The following SORCS1 variants were observed in gnomAD, a reference collection of about 807,000 sequenced individuals.
The protein encoded by SORCS1 is sortilin related VPS10 domain containing receptor 1, also known as VPS10 domain-containing receptor SorCS1.
Under a neutral mutation model 146.1 loss-of-function variants are expected in SORCS1, and 60 were observed. The observed-to-expected ratio is 0.41, with a 90% CI of 0.33 to 0.51. SORCS1 has a LOEUF of 0.51. Ranked by LOEUF, SORCS1 falls within the 20% of genes least tolerant of loss-of-function variation. The probability of loss-of-function intolerance (pLI) is 0.21; values close to 1 mark genes in which losing one functional copy is unlikely to be tolerated. For missense variants in SORCS1, 1,352 were observed against 1,487.6 expected, an observed-to-expected ratio of 0.91 and a Z score of 1.50; for synonymous variants, 637 against 584.0, an observed-to-expected ratio of 1.09 and a Z score of -1.31.
the SORCS1 span, among the ~76,000 whole-genome samples, chr10:107,176,665 T>A: frequency 6.6e-6 from 1 of 152,150 alleles, no homozygotes; most frequent in Admixed American, 6.6e-5. Context: ...TGTTTTTAAA[T>A]TTTTGTAGTT....
intron 5 of SORCS1, among the ~76,000 whole-genome samples, chr10:106,741,959 G>A (rs952125468): frequency 1.9e-4 from 29 of 152,132 alleles, no homozygotes; most frequent in Admixed American, 3.9e-4. Flanking sequence ...TCCATACTTC[G>A]TCAGATTATT....
At chr10:107,032,007 T>A (rs917694769) in intron 1 of SORCS1, among the ~76,000 whole-genome samples, 22 of 152,204 alleles carry the variant, frequency 1.4e-4, no homozygotes, top group African/African-American at 5.1e-4. Context: ...CAGTCCGGCA[T>A]ACCAGTGGAG....
intron 6 of SORCS1, among the ~76,000 whole-genome samples, chr10:106,720,211 C>A (rs1416066023): frequency 6.6e-6 from 1 of 152,198 alleles, no homozygotes; most frequent in Non-Finnish European, 1.5e-5. Flanking sequence ...AATTCCTAAT[C>A]ATCCCTCATT....
intron 1 of SORCS1, among the ~76,000 whole-genome samples, chr10:107,117,014 A>G (rs1966084965): frequency 6.6e-6 from 1 of 152,218 alleles, no homozygotes. Flanking sequence ...TGTCAGAATT[A>G]AAATCCAATT....
chr10:107,172,349 T>C, the SORCS1 span, among the ~76,000 whole-genome samples: 2 of 152,234 alleles, frequency 1.3e-5, no homozygotes, highest in African/African-American at 4.8e-5. Flanking sequence ...CACTAGATCT[T>C]GGCATGATAT....
chr10:106,904,408 A>G (rs964582651), intron 2 of SORCS1, among the ~76,000 whole-genome samples: 8 of 152,220 alleles, frequency 5.3e-5, no homozygotes, highest in African/African-American at 1.7e-4. Flanking sequence ...CAGCCCCAAA[A>G]GGGGAAAAAC....
chr10:106,884,872 G>T (rs1950936510), intron 2 of SORCS1, among the ~76,000 whole-genome samples: 1 of 152,132 alleles, frequency 6.6e-6, no homozygotes, highest in East Asian at 1.9e-4. Flanking sequence ...ACTGGATTTT[G>T]AGTAAAATCA....
At chr10:106,856,412 T>TTC (rs1269521318) in intron 2 of SORCS1, among the ~76,000 whole-genome samples, 3 of 152,208 alleles carry the variant, frequency 2.0e-5, no homozygotes, top group Admixed American at 6.5e-5. Flanking sequence ...TTACCAGTGC[T>TTC]TCTCACATTT....
intron 2 of SORCS1, among the ~76,000 whole-genome samples, chr10:106,865,243 C>G (rs1292759026): frequency 6.6e-6 from 1 of 152,130 alleles, no homozygotes; most frequent in African/African-American, 2.4e-5. Context: ...CAGCTACCTC[C>G]TACAGGTGCA....
intron 9 of SORCS1, among the ~76,000 whole-genome samples, chr10:106,698,563 T>A (rs1253721348): frequency 6.6e-6 from 1 of 152,248 alleles, no homozygotes. Flanking sequence ...GTATTTATCA[T>A]GAAAGCCAAC....
At chr10:106,934,100 C>CAAAAAAAAAAAAAA (rs57432764) in intron 2 of SORCS1, among the ~76,000 whole-genome samples, 1 of 97,516 alleles carries the variant, frequency 1.0e-5, no homozygotes. Context: ...TCTCAAAAAA[C>CAAAAAAAAAAAAAA]AAAAAAAAAA....
At chr10:106,770,574 C>G (rs1338721709) in intron 4 of SORCS1, among the ~76,000 whole-genome samples, 2 of 151,820 alleles carry the variant, frequency 1.3e-5, no homozygotes, top group Non-Finnish European at 2.9e-5. Flanking sequence ...GAAGAAAGGA[C>G]AACCACAGGG....
At chr10:106,750,745 A>G (rs1207146204) in intron 5 of SORCS1, among the ~76,000 whole-genome samples, 1 of 126,838 alleles carries the variant, frequency 7.9e-6, no homozygotes, top group African/African-American at 3.1e-5. Context: ...AAAAAAAAAA[A>G]AAAAAAAAAA....
intron 10 of SORCS1, among the ~76,000 whole-genome samples, chr10:106,683,782 C>T (rs1375200535): frequency 6.6e-6 from 1 of 152,174 alleles, no homozygotes; most frequent in Non-Finnish European, 1.5e-5. Context: ...ACTCTCCCTC[C>T]CGAAATACAT....
At chr10:107,097,406 G>C (rs1441168016) in intron 1 of SORCS1, among the ~76,000 whole-genome samples, 2 of 152,092 alleles carry the variant, frequency 1.3e-5, no homozygotes, top group African/African-American at 4.8e-5. Context: ...TTCTTTCCAG[G>C]TTCTTTCCTA....
At chr10:107,097,731 A>T (rs987817719) in intron 1 of SORCS1, among the ~76,000 whole-genome samples, 2 of 152,166 alleles carry the variant, frequency 1.3e-5, no homozygotes, top group Admixed American at 6.5e-5. Flanking sequence ...TTAGGACCAG[A>T]GGTGATAGCT....
At chr10:106,853,088 A>G (rs999145382) in intron 2 of SORCS1, among the ~76,000 whole-genome samples, 4 of 152,200 alleles carry the variant, frequency 2.6e-5, no homozygotes, top group South Asian at 2.1e-4. Context: ...TCACCAGTGA[A>G]CTGACTGTGC....
intron 1 of SORCS1, among the ~76,000 whole-genome samples, chr10:107,079,237 A>C (rs1963137890): frequency 6.6e-6 from 1 of 152,110 alleles, no homozygotes; most frequent in Non-Finnish European, 1.5e-5. Flanking sequence ...AAAAAAAAAA[A>C]AAACTGGTGT....
chr10:106,843,725 G>A (rs1023055166), intron 2 of SORCS1, among the ~76,000 whole-genome samples: 1 of 152,144 alleles, frequency 6.6e-6, no homozygotes, highest in Non-Finnish European at 1.5e-5. Context: ...GTGAGCCACT[G>A]CACCCAGACA....
Sources: gnomAD v4.1 joint callset for allele counts (sites outside exome capture counted in the v4.1 genomes callset) on GRCh38, gnomAD v4.1.1 for gene constraint, MANE v1.5 for transcripts, NCBI Gene and HGNC (gene_info 2026-07-23, HGNC 2026-07-21) for gene names.